FHIT: variants seen among roughly 807,000 people sequenced by gnomAD.
FHIT encodes bis(5'-adenosyl)-triphosphatase.
Under a neutral mutation model 17.9 loss-of-function variants are expected in FHIT, and 19 were observed. That is an observed-to-expected ratio of 1.06 (90% CI 0.74 to 1.56). The LOEUF (loss-of-function observed/expected upper bound fraction) is 1.56, where lower values mean the gene tolerates loss of function less well. Among genes scored for constraint, FHIT ranks in the 40% most tolerant of loss-of-function variants. FHIT has a pLI of 0.00. For missense variants in FHIT, 248 were observed against 189.2 expected (o/e 1.31, Z -1.82); for synonymous variants, 81 against 69.7 (o/e 1.16, Z -0.81).
At chr3:60,014,724 T>C (rs923583623) in intron 5 of FHIT, among the ~76,000 whole-genome samples, 1 of 152,304 alleles carries the variant, frequency 6.6e-6, no homozygotes, top group South Asian at 2.1e-4. Context: ...AGAGGTGCCA[T>C]GTGGTTAAGC....
At chr3:60,097,357 G>C (rs1047948750) in intron 5 of FHIT, among the ~76,000 whole-genome samples, 2 of 152,112 alleles carry the variant, frequency 1.3e-5, no homozygotes, top group African/African-American at 4.8e-5. Context: ...TAGGAGCCCA[G>C]GGTAGTGCTA....
intron 3 of FHIT, among the ~76,000 whole-genome samples, chr3:60,882,967 T>C (rs887166158): frequency 2.6e-5 from 4 of 152,068 alleles, no homozygotes; most frequent in African/African-American, 9.7e-5. Context: ...CAGAAACCCA[T>C]ATAAGCTGTA....
At position 60,270,611 on chromosome 3, in the gene FHIT, C is replaced by A. The variant is rs929001996; in HGVS notation, c.104-256459G>T. 2.6e-5 allele frequency among the ~76,000 whole-genome samples: 4 copies of A among 152,248 alleles called. No homozygotes were observed. The East Asian group carries it at 7.7e-4, about 29-fold the overall frequency. On this transcript the variant is annotated intron_variant, in intron 5 of 9. Transcript: ENST00000492590. ...GTTATGAAATATTGTTCACAAATGACCCCTATTAAAAGCCAAATGGAAGGA... is the reference window on the plus strand; with the variant it reads ...GTTATGAAATATTGTTCACAAATGAACCCTATTAAAAGCCAAATGGAAGGA...
chr3:59,952,603 C>A (rs1707174739), intron 7 of FHIT, among the ~76,000 whole-genome samples: 1 of 152,180 alleles, frequency 6.6e-6, no homozygotes, highest in African/African-American at 2.4e-5. Flanking sequence ...TCACTTCAAG[C>A]TACCCTCCCA....
chr3:60,101,163 G>T (rs1254312119), intron 5 of FHIT, among the ~76,000 whole-genome samples: 8 of 152,170 alleles, frequency 5.3e-5, no homozygotes, highest in Non-Finnish European at 1.2e-4. Flanking sequence ...CCGCCAGAAG[G>T]GCTTGACACA....
intron 5 of FHIT, among the ~76,000 whole-genome samples, chr3:60,322,708 G>A (rs915989943): frequency 2.0e-5 from 3 of 152,180 alleles, no homozygotes; most frequent in Non-Finnish European, 4.4e-5. Flanking sequence ...ACAATCGTAT[G>A]ATCACATGGG....
intron 8 of FHIT, 36 bp downstream of exon 8, chr3:59,922,310 G>T: frequency 1.3e-6 from 2 of 1,527,426 alleles, no homozygotes; most frequent in East Asian, 2.2e-5. Flanking sequence ...GACAGTCCCC[G>T]TGATCAAACA....
At chr3:61,162,486 C>A (rs2107100230) in intron 2 of FHIT, among the ~76,000 whole-genome samples, 1 of 152,272 alleles carries the variant, frequency 6.6e-6, no homozygotes, top group South Asian at 2.1e-4. Context: ...AATGGTTTAG[C>A]AGTGAATTCC....
At chr3:61,180,266 C>G (rs2107167415) in intron 2 of FHIT, among the ~76,000 whole-genome samples, 1 of 152,304 alleles carries the variant, frequency 6.6e-6, no homozygotes, top group East Asian at 1.9e-4. Context: ...ATGTAAGCCT[C>G]TGATGGCTGG....
At chr3:59,927,730 C>T (rs1705744217) in intron 7 of FHIT, among the ~76,000 whole-genome samples, 2 of 152,100 alleles carry the variant, frequency 1.3e-5, no homozygotes, top group South Asian at 4.1e-4. Context: ...GATCGTGCCA[C>T]TGCACTCCAG....
intron 5 of FHIT, among the ~76,000 whole-genome samples, chr3:60,388,197 C>T (rs918661101): frequency 6.6e-6 from 1 of 152,170 alleles, no homozygotes; most frequent in Non-Finnish European, 1.5e-5. Context: ...CTAACCACAT[C>T]TGAGATAAAA....
At chr3:60,635,083 CA>C (rs1439350155) in intron 4 of FHIT, among the ~76,000 whole-genome samples, 5 of 139,080 alleles carry the variant, frequency 3.6e-5, no homozygotes, top group Middle Eastern at 7.0e-3. Flanking sequence ...ACCCTAAGAG[CA>C]GGATAATTTT....
rs187921025 is a variant in FHIT at position 60,246,509 on chromosome 3, A to T, written c.104-232357T>A. Among the ~76,000 whole-genome samples the T allele has an allele frequency of 2.5e-3, 385 of 152,218 alleles. 2 individuals are homozygous for T. The highest frequency in any genetic ancestry group is 6.8e-3 in the Middle Eastern group (2 of 294). ...GCAAAGCAGAAAATGGGAGTCTTTA[A>T]TTAGGAAGAACAGGTGGCTGAGAGG... On this transcript the variant is annotated intron_variant, in intron 5 of 9. Transcript: ENST00000492590.
intron 5 of FHIT, among the ~76,000 whole-genome samples, chr3:60,527,109 G>A (rs1361832761): frequency 2.0e-5 from 3 of 152,104 alleles, no homozygotes; most frequent in Admixed American, 1.3e-4. Context: ...TTATTCCGCG[G>A]AAATATGAAA....
chr3:59,824,843 A>T (rs921389078), intron 8 of FHIT, among the ~76,000 whole-genome samples: 2 of 152,100 alleles, frequency 1.3e-5, no homozygotes, highest in Admixed American at 1.3e-4. Context: ...CTTTTCAACC[A>T]TTCCTTCCTT....
intron 4 of FHIT, among the ~76,000 whole-genome samples, chr3:60,561,112 G>T (rs1280457954): frequency 1.3e-5 from 2 of 151,818 alleles, no homozygotes; most frequent in South Asian, 2.1e-4. Flanking sequence ...TTTTTTTAAT[G>T]TATCTTAGAA....
At chr3:61,008,974 C>T (rs1396026818) in intron 3 of FHIT, among the ~76,000 whole-genome samples, 1 of 152,208 alleles carries the variant, frequency 6.6e-6, no homozygotes, top group Non-Finnish European at 1.5e-5. Context: ...TACAGCTACT[C>T]GATAGTTCAC....
At chr3:59,918,340 G>A (rs1462074256) in intron 8 of FHIT, among the ~76,000 whole-genome samples, 2 of 152,118 alleles carry the variant, frequency 1.3e-5, no homozygotes, top group South Asian at 2.1e-4. Flanking sequence ...GAATAATAAA[G>A]TAATAAATTA....
At chr3:60,110,063 G>A (rs935655823) in intron 5 of FHIT, among the ~76,000 whole-genome samples, 2 of 152,124 alleles carry the variant, frequency 1.3e-5, no homozygotes, top group Non-Finnish European at 2.9e-5. Context: ...TTAGCCCAAT[G>A]TTATGGCTAT....
Sources: allele counts gnomAD v4.1 joint callset (sites outside exome capture counted in the v4.1 genomes callset), GRCh38; gene constraint gnomAD v4.1.1; transcripts MANE v1.5; gene names NCBI Gene and HGNC (gene_info 2026-07-23, HGNC 2026-07-21).